FAM117B: variants seen among roughly 807,000 people sequenced by gnomAD.
FAM117B encodes family with sequence similarity 117 member B.
A neutral mutation model predicts 52.8 loss-of-function variants in FAM117B; 22 were observed. That is an observed-to-expected ratio of 0.42 (90% CI 0.30 to 0.59). The LOEUF is 0.59. Ranked by LOEUF, FAM117B falls within the 20% of genes least tolerant of loss-of-function variation. The pLI is 0.22. For missense variants in FAM117B, 678 were observed against 802.6 expected (o/e 0.84, Z 1.88); for synonymous variants, 309 against 324.1 (o/e 0.95, Z 0.50).
chr2:202,659,980 G>A (rs142818825), intron 1 of FAM117B, among the ~76,000 whole-genome samples: 45 of 151,688 alleles, frequency 3.0e-4, no homozygotes, highest in African/African-American at 1.1e-3. Context: ...GATAATTTCT[G>A]TTGATCTATT....
intron 4 of FAM117B, among the ~76,000 whole-genome samples, chr2:202,738,329 A>G (rs1398542415): frequency 6.6e-6 from 1 of 152,214 alleles, no homozygotes; most frequent in African/African-American, 2.4e-5. Flanking sequence ...TAAAGAAACA[A>G]CTTTCAGTCT....
At chr2:202,751,907 T>C (rs1275752218) in intron 4 of FAM117B, among the ~76,000 whole-genome samples, 12 of 151,844 alleles carry the variant, frequency 7.9e-5, no homozygotes, top group Non-Finnish European at 1.6e-4. Context: ...AAAACACTTA[T>C]AGAACACCCA....
At position 202,635,649 on chromosome 2, in the gene FAM117B, C is replaced by T. The variant is rs1362644050; in HGVS notation, c.462C>T (p.Ser154=). ...PPLLGTVSSP[S]SSPTHLWTGE... is the part of the protein sequence containing the mutation. ...TGCTGGGCACCGTGTCGTCGCCCAG[C>T]TCGTCGCCCACCCACCTGTGGACCG... Residue 154 remains serine, a synonymous_variant, in exon 1 of 8, where the codon AGC becomes AGT. Transcript: ENST00000392238. 5 of 1,343,430 alleles carry T rather than the reference C, an allele frequency of 3.7e-6. No individual in the cohort carries two copies. The African/African-American group carries it at 6.1e-5, about 16-fold the overall frequency. The allele number at this position is 1,343,430 out of a possible 1,614,324, so 83.2% of individuals were successfully genotyped here.
At chr2:202,756,877 C>G (rs962824437) in intron 5 of FAM117B, among the ~76,000 whole-genome samples, 3 of 152,090 alleles carry the variant, frequency 2.0e-5, no homozygotes, top group African/African-American at 7.2e-5. Flanking sequence ...AATGTGGAAC[C>G]TAGTGTTACA....
At chr2:202,725,082 G>T in intron 3 of FAM117B, 73 bp downstream of exon 3, 1 of 1,122,274 alleles carries the variant, frequency 8.9e-7, no homozygotes, top group Non-Finnish European at 1.3e-6. Context: ...TGATATTATG[G>T]GCAGCAAGGA....
At position 202,635,797 on chromosome 2, in the gene FAM117B, T is replaced by C; in HGVS notation, c.601+9T>C. 1 of 1,431,412 alleles carries C rather than the reference T, an allele frequency of 7.0e-7. No individual in the cohort carries two copies. Among genetic ancestry groups the C allele is most frequent in the Non-Finnish European group, 9.1e-7 (1 of 1,093,496 alleles). 88.7% of individuals were successfully genotyped at this position (1,431,412 alleles called of 1,614,324 possible). A position where few individuals can be genotyped will look rare whatever the true frequency, so the allele number is the denominator to read the frequency against. ...CCCGGTTTGCAAAGCAGGTAAGTGC[T>C]GGGGGTCGCGCAGCAAGGGGGAGGC... On this transcript the variant is annotated intron_variant, in intron 1 of 7. Transcript: ENST00000392238.
At chr2:202,745,090 G>A (rs1356664853) in intron 4 of FAM117B, among the ~76,000 whole-genome samples, 1 of 151,348 alleles carries the variant, frequency 6.6e-6, no homozygotes, top group Non-Finnish European at 1.5e-5. Context: ...GACCAGCCTG[G>A]CCAACATGAC....
At chr2:202,636,502 A>G (rs1645587566) in intron 1 of FAM117B, among the ~76,000 whole-genome samples, 1 of 152,126 alleles carries the variant, frequency 6.6e-6, no homozygotes, top group Admixed American at 6.5e-5. Flanking sequence ...TGTTTTAGGG[A>G]GCTAACATTC....
At chr2:202,670,626 A>G (rs562262727) in intron 1 of FAM117B, among the ~76,000 whole-genome samples, 58 of 152,278 alleles carry the variant, frequency 3.8e-4, no homozygotes, top group African/African-American at 1.3e-3. Flanking sequence ...ATAGCAGGGA[A>G]CAGGGCCACA....
At chr2:202,754,954 C>T (rs72930772) in intron 4 of FAM117B, among the ~76,000 whole-genome samples, 38,059 of 148,640 alleles carry the variant, frequency 0.26, 5,750 homozygotes, top group Middle Eastern at 0.35. Flanking sequence ...GGAAGCATGA[C>T]GCTGGCATTT....
intron 1 of FAM117B, among the ~76,000 whole-genome samples, chr2:202,665,010 CTT>C (rs1213799206): frequency 6.6e-6 from 1 of 152,030 alleles, no homozygotes; most frequent in Non-Finnish European, 1.5e-5. Flanking sequence ...TATCTGGAGA[CTT>C]TGGTGGGGAA....
chr2:202,710,586 T>C (rs1690943157), intron 2 of FAM117B, among the ~76,000 whole-genome samples: 1 of 152,220 alleles, frequency 6.6e-6, no homozygotes, highest in Non-Finnish European at 1.5e-5. Context: ...ATTATTTTAC[T>C]TATTTTTAAA....
chr2:202,650,102 T>C (rs1689935430), intron 1 of FAM117B, among the ~76,000 whole-genome samples: 1 of 152,108 alleles, frequency 6.6e-6, no homozygotes, highest in Admixed American at 6.5e-5. Context: ...CAATTAAAAA[T>C]AGGAAGAAAG....
At chr2:202,655,543 G>A (rs1196278169) in intron 1 of FAM117B, among the ~76,000 whole-genome samples, 1 of 151,990 alleles carries the variant, frequency 6.6e-6, no homozygotes, top group Non-Finnish European at 1.5e-5. Flanking sequence ...CCTTTGCTTG[G>A]TTTAGATATT....
chr2:202,686,086 C>G (rs1690533802), intron 1 of FAM117B, among the ~76,000 whole-genome samples: 1 of 152,116 alleles, frequency 6.6e-6, no homozygotes. Flanking sequence ...GAAGACAAAC[C>G]TATCAGTTAA....
Position 202,765,833 on chromosome 2 carries a change from A to T in FAM117B, c.*69A>T. ...CCTCAGATCACTGGATTCTGATGGC[A>T]TCGTGCGCTTCTGGTCGGCTGTGAT... On this transcript the variant is annotated 3_prime_UTR_variant, in exon 8 of 8. Coordinates refer to ENST00000392238, the MANE Select transcript of FAM117B (RefSeq NM_173511.4). The T allele has an allele frequency of 6.8e-7, 1 of 1,480,924 alleles. No homozygotes were observed. Among genetic ancestry groups the T allele is most frequent in the Admixed American group, 1.9e-5 (1 of 51,896 alleles). 91.7% of individuals were successfully genotyped at this position (1,480,924 alleles called of 1,614,324 possible). A position where few individuals can be genotyped will look rare whatever the true frequency, so the allele number is the denominator to read the frequency against.
chr2:202,728,960 C>T (rs546246440), intron 4 of FAM117B, among the ~76,000 whole-genome samples: 2 of 152,194 alleles, frequency 1.3e-5, no homozygotes, highest in South Asian at 4.1e-4. Context: ...ACTGTTTCTC[C>T]CATTTTATTT....
intron 1 of FAM117B, among the ~76,000 whole-genome samples, chr2:202,638,316 G>A (rs1689717649): frequency 6.6e-6 from 1 of 152,218 alleles, no homozygotes; most frequent in African/African-American, 2.4e-5. Flanking sequence ...GGCACAGCCT[G>A]TAGTCTGATA....
intron 1 of FAM117B, among the ~76,000 whole-genome samples, chr2:202,642,365 A>ATATATATATATATAT (rs1559092461): frequency 6.7e-6 from 1 of 148,538 alleles, no homozygotes; most frequent in African/African-American, 2.5e-5. Context: ...ATATATATAT[A>ATATATATATATATAT]AAATGAGTAG....
Sources: allele counts gnomAD v4.1 joint callset (sites outside exome capture counted in the v4.1 genomes callset), GRCh38; gene constraint gnomAD v4.1.1; transcripts MANE v1.5; gene names NCBI Gene and HGNC (gene_info 2026-07-23, HGNC 2026-07-21).